Variants in MELK observed in about 807,000 individuals in gnomAD.
MELK encodes the protein maternal embryonic leucine zipper kinase.
A neutral mutation model predicts 85.0 loss-of-function variants in MELK; 81 were observed. The ratio of observed to expected loss-of-function variants is 0.95; its 90% CI spans 0.80 to 1.15. The LOEUF is 1.15. Among genes scored for constraint, MELK ranks in the 50% most tolerant of loss-of-function variants. The pLI, the probability that MELK is intolerant of heterozygous loss-of-function variation, is 0.00. For missense variants in MELK, 754 were observed against 777.5 expected, an observed-to-expected ratio of 0.97 and a Z score of 0.36; for synonymous variants, 252 against 265.0, an observed-to-expected ratio of 0.95 and a Z score of 0.48.
chr9:36,640,184 A>G (rs1829630392), intron 10 of MELK, among the ~76,000 whole-genome samples: 1 of 152,224 alleles, frequency 6.6e-6, no homozygotes, highest in Non-Finnish European at 1.5e-5. Flanking sequence ...ACAAAATACC[A>G]TAAATTGAGT....
At chr9:36,575,035 C>T (rs148035042) in intron 1 of MELK, among the ~76,000 whole-genome samples, 478 of 152,164 alleles carry the variant, frequency 3.1e-3, no homozygotes, top group Middle Eastern at 0.017. Context: ...ACTTGGGAGG[C>T]TGAGGCAGAA....
At chr9:36,643,988 A>G (rs1170781862) in intron 11 of MELK, among the ~76,000 whole-genome samples, 1 of 151,970 alleles carries the variant, frequency 6.6e-6, no homozygotes, top group Non-Finnish European at 1.5e-5. Context: ...GAATGGACAG[A>G]GTTCTAATTT....
intron 16 of MELK, among the ~76,000 whole-genome samples, chr9:36,673,290 T>A (rs1833053921): frequency 6.6e-6 from 1 of 152,216 alleles, no homozygotes; most frequent in African/African-American, 2.4e-5. Context: ...ACACTCAGTT[T>A]CACGACATTT....
chr9:36,574,534 C>T (rs904014168), intron 1 of MELK, among the ~76,000 whole-genome samples: 1 of 150,314 alleles, frequency 6.7e-6, no homozygotes, highest in African/African-American at 2.4e-5. Flanking sequence ...ACCCAGGAGG[C>T]GGAGGTTGCG....
intron 2 of MELK, among the ~76,000 whole-genome samples, chr9:36,582,653 T>C (rs1271661764): frequency 6.6e-5 from 10 of 152,162 alleles, no homozygotes; most frequent in Non-Finnish European, 1.5e-4. Flanking sequence ...CCTGTGCGGA[T>C]CAAGACATAG....
intron 8 of MELK, among the ~76,000 whole-genome samples, chr9:36,615,548 A>G (rs1206422378): frequency 1.5e-5 from 2 of 135,888 alleles, no homozygotes; most frequent in African/African-American, 3.3e-5. Flanking sequence ...GACGCTCCTC[A>G]CTTCCCAGAT....
intron 15 of MELK, among the ~76,000 whole-genome samples, chr9:36,670,295 A>G (rs968202291): frequency 2.6e-4 from 39 of 152,102 alleles, no homozygotes; most frequent in Admixed American, 1.2e-3. Flanking sequence ...TCTCAGTGTC[A>G]GTGCTTGAAA....
intron 4 of MELK, among the ~76,000 whole-genome samples, chr9:36,591,019 G>C (rs1823486125): frequency 2.0e-5 from 3 of 152,172 alleles, no homozygotes; most frequent in Admixed American, 2.0e-4. Context: ...TTGAGTCCAG[G>C]AGTTTGAAGC....
intron 11 of MELK, among the ~76,000 whole-genome samples, chr9:36,646,609 T>C (rs2137061937): frequency 6.6e-6 from 1 of 152,354 alleles, no homozygotes; most frequent in South Asian, 2.1e-4. Context: ...CCTGAGTGGC[T>C]CTGGATTGTG....
At chr9:36,664,266 G>T (rs76611677) in intron 13 of MELK, among the ~76,000 whole-genome samples, 4,328 of 152,120 alleles carry the variant, frequency 0.028, 205 homozygotes, top group African/African-American at 0.098. Flanking sequence ...TTTATGTTCT[G>T]TATTTGATAA....
chr9:36,633,164 T>C lies in MELK; in HGVS notation c.798T>C (p.Asp266=), dbSNP rs1828817887. 2.5e-6 allele frequency: 4 copies of C among 1,608,284 alleles called. No individual in the cohort carries two copies. Among genetic ancestry groups the C allele is most frequent in the Non-Finnish European group, 1.7e-6 (2 of 1,178,848 alleles). Residue 266 remains aspartate (D), a synonymous_variant, in exon 10 of 18, where the codon GAT becomes GAC. Coordinates refer to ENST00000298048, the MANE Select transcript of MELK (RefSeq NM_014791.4). ...TGAACCATCCCTGGATCATGCAAGA[T>C]TACAACTATCCTGTTGAGTGGCAAA... is the stretch of plus-strand genomic sequence containing the variant. ...NLLNHPWIMQ[D]YNYPVEWQSK...
Position 36,665,582 on chromosome 9 carries a change from G to T in MELK, c.1408+1G>T. On this transcript the variant is annotated splice_donor_variant, in intron 14 of 17. Transcript: ENST00000298048. LOFTEE classifies it high-confidence loss of function. ...AATCGTTACACTACACCCTCAAAAG[G>T]TATTTGCTAAGTGAATTAAGCAGTA... The T allele has an allele frequency of 6.2e-7, 1 of 1,600,122 alleles. No homozygotes were observed. The highest frequency in any genetic ancestry group is 1.1e-5 in the South Asian group (1 of 89,466).
chr9:36,625,070 A>G (rs1299240850), intron 8 of MELK, among the ~76,000 whole-genome samples: 2 of 152,162 alleles, frequency 1.3e-5, no homozygotes, highest in African/African-American at 4.8e-5. Flanking sequence ...AGTTGGAGGG[A>G]TACTGTTCAA....
At chr9:36,625,844 C>G (rs1035051601) in intron 8 of MELK, among the ~76,000 whole-genome samples, 1 of 151,774 alleles carries the variant, frequency 6.6e-6, no homozygotes, top group Non-Finnish European at 1.5e-5. Flanking sequence ...TGGCTTGAAC[C>G]CTGGAGGCAG....
At chr9:36,639,031 C>T (rs1017194869) in intron 10 of MELK, among the ~76,000 whole-genome samples, 5 of 152,168 alleles carry the variant, frequency 3.3e-5, no homozygotes, top group African/African-American at 1.2e-4. Flanking sequence ...GTTGAAGTAG[C>T]TACTGGAGCA....
chr9:36,630,816 G>A (rs1349789492), intron 9 of MELK, among the ~76,000 whole-genome samples: 2 of 151,950 alleles, frequency 1.3e-5, no homozygotes, highest in East Asian at 1.9e-4. Context: ...ACCATGCCTG[G>A]CTAATTTTTG....
At chr9:36,641,748 C>T (rs1354606696) in intron 10 of MELK, among the ~76,000 whole-genome samples, 2 of 151,796 alleles carry the variant, frequency 1.3e-5, no homozygotes, top group Non-Finnish European at 2.9e-5. Flanking sequence ...GCTGGGATTA[C>T]AGGCATGCAC....
intron 4 of MELK, among the ~76,000 whole-genome samples, chr9:36,590,686 T>C (rs1028387923): frequency 2.0e-5 from 3 of 152,242 alleles, no homozygotes; most frequent in Non-Finnish European, 2.9e-5. Context: ...TTAGAACTTG[T>C]ATTATTCAAC....
chr9:36,615,881 A>G (rs1290130381), intron 8 of MELK, among the ~76,000 whole-genome samples: 2 of 149,686 alleles, frequency 1.3e-5, no homozygotes, highest in African/African-American at 5.0e-5. Context: ...CTGGGCAGCC[A>G]GGCAGAGGGG....
Sources: gnomAD v4.1 joint callset for allele counts (sites outside exome capture counted in the v4.1 genomes callset) on GRCh38, gnomAD v4.1.1 for gene constraint, MANE v1.5 for transcripts, NCBI Gene and HGNC (gene_info 2026-07-23, HGNC 2026-07-21) for gene names.